Variants in DAAM2 observed in about 807,000 individuals in gnomAD.
The protein encoded by DAAM2 is disheveled-associated activator of morphogenesis 2.
In DAAM2, 39 loss-of-function variants were observed where a neutral mutation model predicts 120.7. The ratio of observed to expected loss-of-function variants is 0.32; its 90% CI spans 0.25 to 0.42. DAAM2 has a LOEUF of 0.42. Among genes scored for constraint, DAAM2 ranks in the 10% least tolerant of loss-of-function variants. The pLI is 1.00. For missense variants in DAAM2, 1,283 were observed against 1,401.7 expected (o/e 0.92, Z 1.35); for synonymous variants, 488 against 524.9 (o/e 0.93, Z 0.96).
chr6:39,874,927 T>C (rs1029421929), intron 10 of DAAM2, among the ~76,000 whole-genome samples: 2 of 152,178 alleles, frequency 1.3e-5, no homozygotes, highest in Non-Finnish European at 2.9e-5. Flanking sequence ...CCTAAAATCT[T>C]TTTTAAAAAA....
At chr6:39,864,045 T>G (rs1419019625) in intron 3 of DAAM2, among the ~76,000 whole-genome samples, 1 of 152,122 alleles carries the variant, frequency 6.6e-6, no homozygotes, top group East Asian at 1.9e-4. Flanking sequence ...AGAATGAGAT[T>G]ATCAGAAAAA....
intron 19 of DAAM2, among the ~76,000 whole-genome samples, chr6:39,894,581 T>C (rs1300312714): frequency 1.4e-5 from 2 of 138,738 alleles, no homozygotes; most frequent in Non-Finnish European, 3.1e-5. Flanking sequence ...TCTTGACTGC[T>C]AGTTTAGTTT....
At chr6:39,896,363 T>C (rs1226479619) in intron 19 of DAAM2, among the ~76,000 whole-genome samples, 1 of 152,020 alleles carries the variant, frequency 6.6e-6, no homozygotes, top group Non-Finnish European at 1.5e-5. Flanking sequence ...CCACCACACC[T>C]GACTAATTTT....
intron 1 of DAAM2, among the ~76,000 whole-genome samples, chr6:39,812,228 T>C (rs950249843): frequency 3.9e-5 from 6 of 152,224 alleles, no homozygotes; most frequent in Non-Finnish European, 7.3e-5. Flanking sequence ...ACTCCTACTC[T>C]TCAAATTCAA....
intron 19 of DAAM2, among the ~76,000 whole-genome samples, chr6:39,896,408 T>TGGCCA (rs1348720718): frequency 6.6e-6 from 1 of 152,242 alleles, no homozygotes; most frequent in Admixed American, 6.5e-5. Context: ...TTCACCACGT[T>TGGCCA]GGCCAGGCTG....
chr6:39,837,986 C>T (rs576484654), intron 1 of DAAM2, among the ~76,000 whole-genome samples: 1 of 152,324 alleles, frequency 6.6e-6, no homozygotes, highest in African/African-American at 2.4e-5. Flanking sequence ...CCACCTGTAC[C>T]ACCAGCCCAT....
intron 1 of DAAM2, among the ~76,000 whole-genome samples, chr6:39,829,167 C>T (rs9471178): frequency 0.15 from 22,127 of 152,230 alleles, 2,079 homozygotes; most frequent in South Asian, 0.3. Context: ...ATCCAATTGG[C>T]ATCTCTTCTT....
chr6:39,829,822 C>T (rs989731409), intron 1 of DAAM2, among the ~76,000 whole-genome samples: 7 of 152,128 alleles, frequency 4.6e-5, no homozygotes, highest in Non-Finnish European at 8.8e-5. Flanking sequence ...AGCTGGCACC[C>T]TCCCCAGAGC....
Position 39,901,887 on chromosome 6 carries a change from GGGA to G in DAAM2, c.3062_3064del (p.Gly1021del). The G allele has an allele frequency of 6.2e-7, 1 of 1,602,554 alleles. No homozygotes were observed. On this transcript the variant is annotated inframe_deletion, in exon 25 of 25. Transcript: ENST00000274867. This position sits in a 1 kb window ranked among gnomAD's most constrained non-coding sequence, Gnocchi z 4.5. ...TGGCTGCAGGCAGCTCGCTGGAGGA[GGGA>G]GGAGAGTTCGATGACCTGGTGTCGG...
chr6:39,833,790 A>C (rs1323769855), intron 1 of DAAM2, among the ~76,000 whole-genome samples: 4 of 152,244 alleles, frequency 2.6e-5, no homozygotes, highest in African/African-American at 9.6e-5. Flanking sequence ...AGGAAAAAAA[A>C]GGAAACACTG....
intron 2 of DAAM2, among the ~76,000 whole-genome samples, chr6:39,858,790 GA>G (rs1300587780): frequency 6.6e-6 from 1 of 152,156 alleles, no homozygotes; most frequent in Non-Finnish European, 1.5e-5. Context: ...AAGTTTGAGA[GA>G]GTTTGAGATA....
intron 19 of DAAM2, among the ~76,000 whole-genome samples, chr6:39,894,947 T>C (rs945819212): frequency 2.0e-5 from 3 of 152,132 alleles, no homozygotes; most frequent in Admixed American, 6.5e-5. Flanking sequence ...AAAGGAATGA[T>C]AGAGTATGAA....
chr6:39,892,875 C>A (rs1014401135), intron 19 of DAAM2, among the ~76,000 whole-genome samples: 2 of 151,938 alleles, frequency 1.3e-5, no homozygotes, highest in Admixed American at 6.6e-5. Flanking sequence ...CCTCACACTA[C>A]ACACACACAC....
At chr6:39,890,705 C>T (rs1765658191) in intron 17 of DAAM2, among the ~76,000 whole-genome samples, 1 of 152,156 alleles carries the variant, frequency 6.6e-6, no homozygotes, top group Non-Finnish European at 1.5e-5. Context: ...CTGAACTGCA[C>T]ATTTAAAATG....
intron 1 of DAAM2, among the ~76,000 whole-genome samples, chr6:39,805,282 G>A (rs1365531314): frequency 6.6e-6 from 1 of 152,090 alleles, no homozygotes; most frequent in Non-Finnish European, 1.5e-5. Flanking sequence ...TGTAGTCTTG[G>A]AAACTGAGCC....
chr6:39,883,797 A>G (rs1765245574), intron 14 of DAAM2, 165 bp from the exon 15 acceptor site: 3 of 613,782 alleles, frequency 4.9e-6, no homozygotes, highest in Non-Finnish European at 8.9e-6. Context: ...AGAGTATTCA[A>G]GAGAGTTGGA....
At position 39,896,524 on chromosome 6, in the gene DAAM2, A is replaced by G. The variant is rs552390944; in HGVS notation, c.2342-288A>G. Among the ~76,000 whole-genome samples, 3 of 152,302 alleles carry G rather than the reference A, an allele frequency of 2.0e-5. No individual in the cohort carries two copies. In the South Asian group the frequency reaches 6.2e-4, roughly 32 times the overall value. Reference sequence around the variant, plus strand: ...GGCCTTCTTAATAATCTTTAAATACATGTAAGAAAAGATCTTCTGAAATTG... The same window carrying G: ...GGCCTTCTTAATAATCTTTAAATACGTGTAAGAAAAGATCTTCTGAAATTG... On this transcript the variant is annotated intron_variant, in intron 19 of 24. Coordinates refer to ENST00000274867, the MANE Select transcript of DAAM2 (RefSeq NM_001201427.2).
intron 1 of DAAM2, chr6:39,822,517 A>G (rs1052558759): frequency 6.6e-6 from 1 of 152,234 alleles, no homozygotes; most frequent in African/African-American, 2.4e-5. Flanking sequence ...GATTAAAGCC[A>G]TTTTTGAAAA....
chr6:39,846,699 CTTT>C lies in DAAM2; in HGVS notation c.-56-9535_-56-9533del, dbSNP rs11359144. 7.3e-4 allele frequency among the ~76,000 whole-genome samples: 102 copies of C among 140,606 alleles called. No individual in the cohort carries two copies. In the East Asian group the frequency reaches 0.018, roughly 25 times the overall value. 92.2% of individuals were successfully genotyped at this position (140,606 alleles called of 152,430 possible). A position where few individuals can be genotyped will look rare whatever the true frequency, so the allele number is the denominator to read the frequency against. ...TTCCCTTATCATAACCACATCCACG[CTTT>C]TTTTTTTTTTTTGAGACGGGGTCTC... On this transcript the variant is annotated intron_variant, in intron 1 of 24. Coordinates refer to ENST00000274867, the MANE Select transcript of DAAM2 (RefSeq NM_001201427.2).
Sources: allele counts gnomAD v4.1 joint callset (sites outside exome capture counted in the v4.1 genomes callset), GRCh38; gene constraint gnomAD v4.1.1; non-coding constraint Gnocchi (gnomAD v3.1); transcripts MANE v1.5; gene names NCBI Gene and HGNC (gene_info 2026-07-23, HGNC 2026-07-21).